DNAJC1: variants seen among roughly 807,000 people sequenced by gnomAD.
DNAJC1 encodes the protein dnaJ homolog subfamily C member 1.
In DNAJC1, 58 loss-of-function variants were observed where a neutral mutation model predicts 76.6. The observed-to-expected ratio is 0.76, with a 90% CI of 0.61 to 0.94. The LOEUF (loss-of-function observed/expected upper bound fraction) is 0.94, where lower values mean the gene tolerates loss of function less well. Ranked by LOEUF, DNAJC1 falls within the 40% of genes least tolerant of loss-of-function variation. The pLI, the probability that DNAJC1 is intolerant of heterozygous loss-of-function variation, is 0.00. For synonymous variants in DNAJC1, 258 were observed against 267.9 expected (o/e 0.96, Z 0.36); for missense variants, 689 against 677.3 (o/e 1.02, Z -0.19).
At chr10:21,956,070 A>T (rs971735529) in intron 1 of DNAJC1, among the ~76,000 whole-genome samples, 1 of 152,196 alleles carries the variant, frequency 6.6e-6, no homozygotes, top group East Asian at 1.9e-4. Context: ...AAGAACAGAG[A>T]TTTATTTCTT....
chr10:21,818,245 G>C (rs1835105424), intron 8 of DNAJC1, among the ~76,000 whole-genome samples: 1 of 152,166 alleles, frequency 6.6e-6, no homozygotes, highest in South Asian at 2.1e-4. Flanking sequence ...TTATGGTCTA[G>C]CTGTAGGGAT....
intron 7 of DNAJC1, among the ~76,000 whole-genome samples, chr10:21,894,416 C>G (rs1385636899): frequency 1.3e-5 from 2 of 152,064 alleles, no homozygotes; most frequent in Non-Finnish European, 2.9e-5. Context: ...ACTAAAAATA[C>G]AAAAATTAGC....
intron 10 of DNAJC1, among the ~76,000 whole-genome samples, chr10:21,760,728 T>G (rs773872445): frequency 9.9e-5 from 15 of 152,244 alleles, no homozygotes; most frequent in Non-Finnish European, 1.9e-4. Flanking sequence ...GTGGCTACCA[T>G]ATTAGACAGC....
intron 7 of DNAJC1, among the ~76,000 whole-genome samples, chr10:21,898,312 A>G (rs923250514): frequency 6.6e-6 from 1 of 152,236 alleles, no homozygotes; most frequent in Non-Finnish European, 1.5e-5. Context: ...ATAATCATGT[A>G]CCACATTATG....
intron 1 of DNAJC1, among the ~76,000 whole-genome samples, chr10:21,960,968 T>G (rs1837781022): frequency 6.6e-6 from 1 of 152,206 alleles, no homozygotes; most frequent in African/African-American, 2.4e-5. Flanking sequence ...ACAATAGCCA[T>G]GAAGTATATG....
intron 1 of DNAJC1, among the ~76,000 whole-genome samples, chr10:21,968,573 C>T (rs994256278): frequency 2.0e-5 from 3 of 151,602 alleles, no homozygotes; most frequent in South Asian, 2.1e-4. Context: ...AGTGGCACGA[C>T]GATCTCGGCT....
At chr10:21,781,755 C>T (rs1178956710) in intron 9 of DNAJC1, among the ~76,000 whole-genome samples, 30 of 149,758 alleles carry the variant, frequency 2.0e-4, no homozygotes, top group Admixed American at 2.7e-4. Context: ...CACTCAAAAC[C>T]GCTCAACTAC....
At chr10:21,826,725 T>C (rs1835263595) in intron 8 of DNAJC1, among the ~76,000 whole-genome samples, 1 of 152,224 alleles carries the variant, frequency 6.6e-6, no homozygotes, top group Admixed American at 6.5e-5. Context: ...TAAGAGGATA[T>C]TCAGTTTTCC....
chr10:21,914,191 G>A (rs1348865490), intron 6 of DNAJC1, among the ~76,000 whole-genome samples: 3 of 152,156 alleles, frequency 2.0e-5, no homozygotes, highest in African/African-American at 7.2e-5. Flanking sequence ...GGAAATGTCT[G>A]ATATTAATTT....
rs148775636 is a variant in DNAJC1, at chr10:21,756,692, T to C, written c.1660A>G (p.Ser554Gly). Residue 554 changes from serine (S) to glycine (G), a missense_variant, in exon 12 of 12, where the codon AGC becomes GGC. Ser to Gly is a moderately conservative substitution (Grantham distance 56). Transcript: ENST00000376980. Reference protein sequence around the residue: ...ELVQKKKQAKS With the variant: ...ELVQKKKQAKG ...AACATCATCTCCCAGAATATTCAGC[T>C]TTTAGCTTGTTTTTTCTTTTGGACC... 1.9e-5 allele frequency: 30 copies of C among 1,611,634 alleles called. No individual in the cohort carries two copies. In the African/African-American group the frequency reaches 3.3e-4, roughly 18 times the overall value.
chr10:21,781,476 CT>C, intron 9 of DNAJC1, among the ~76,000 whole-genome samples: 1 of 152,276 alleles, frequency 6.6e-6, no homozygotes, highest in Admixed American at 6.5e-5. Context: ...AATCCCAGCA[CT>C]TTGGGAGGCA....
intron 6 of DNAJC1, among the ~76,000 whole-genome samples, chr10:21,907,378 T>C (rs1456158765): frequency 3.9e-5 from 6 of 152,242 alleles, no homozygotes; most frequent in African/African-American, 1.4e-4. Flanking sequence ...CAGGAAACAT[T>C]ACTTCCTTAA....
At chr10:21,933,309 G>C (rs960844309) in intron 1 of DNAJC1, 1 of 152,694 alleles carries the variant, frequency 6.5e-6, no homozygotes, top group Middle Eastern at 3.4e-3. Flanking sequence ...CCCTGATAGA[G>C]GAGGACCAGT....
At chr10:21,847,242 TCA>T (rs1835674538) in intron 8 of DNAJC1, among the ~76,000 whole-genome samples, 2 of 152,130 alleles carry the variant, frequency 1.3e-5, no homozygotes, top group African/African-American at 4.8e-5. Context: ...CATAAAAATG[TCA>T]CACAGTTAGG....
chr10:21,945,314 A>G (rs894716777), intron 1 of DNAJC1, among the ~76,000 whole-genome samples: 8 of 152,234 alleles, frequency 5.3e-5, no homozygotes, highest in African/African-American at 1.2e-4. Context: ...AGAGTGGTGT[A>G]AAATGAAGGG....
intron 1 of DNAJC1, among the ~76,000 whole-genome samples, chr10:21,977,758 A>G (rs1218149801): frequency 6.6e-6 from 1 of 152,204 alleles, no homozygotes; most frequent in Non-Finnish European, 1.5e-5. Flanking sequence ...GCATATGAAC[A>G]TTATATTATT....
At chr10:21,948,739 T>C (rs1837547344) in intron 1 of DNAJC1, among the ~76,000 whole-genome samples, 1 of 152,182 alleles carries the variant, frequency 6.6e-6, no homozygotes, top group South Asian at 2.1e-4. Context: ...GTTTCAGCCA[T>C]CCATTGGGAT....
chr10:21,861,342 C>G (rs1438694152), intron 8 of DNAJC1, among the ~76,000 whole-genome samples: 4 of 152,026 alleles, frequency 2.6e-5, no homozygotes, highest in African/African-American at 9.7e-5. Flanking sequence ...GACACAGGAA[C>G]AAATTTGAAA....
At chr10:21,859,897 C>T (rs1254648996) in intron 8 of DNAJC1, among the ~76,000 whole-genome samples, 1 of 152,074 alleles carries the variant, frequency 6.6e-6, no homozygotes, top group East Asian at 1.9e-4. Context: ...GATTCTCCTG[C>T]CTCAGCCTCC....
Sources: allele counts gnomAD v4.1 joint callset (sites outside exome capture counted in the v4.1 genomes callset), GRCh38; gene constraint gnomAD v4.1.1; transcripts MANE v1.5; gene names NCBI Gene and HGNC (gene_info 2026-07-23, HGNC 2026-07-21).